Variants in STARD5 observed in about 807,000 individuals in gnomAD.
The protein encoded by STARD5 is stAR-related lipid transfer protein 5.
A neutral mutation model predicts 24.6 loss-of-function variants in STARD5; 26 were observed. The ratio of observed to expected loss-of-function variants is 1.06; its 90% CI spans 0.77 to 1.47. The LOEUF is 1.47. Ranked by LOEUF, STARD5 falls within the 40% of genes most tolerant of loss-of-function variation. STARD5 has a pLI of 0.00. For synonymous variants in STARD5, 101 were observed against 99.7 expected (o/e 1.01, Z -0.07); for missense variants, 254 against 270.8 (o/e 0.94, Z 0.44).
Position 81,310,736 on chromosome 15 carries a change from A to C in STARD5, c.*2520T>G, listed in dbSNP as rs760767134. ...TGTTTTAAGTCTTATCAAGCAGCCA[A>C]GGGATGAAAGAGAAGGTGGGTTTTC... On this transcript the variant is annotated 3_prime_UTR_variant, in exon 6 of 6. Coordinates refer to ENST00000302824, the MANE Select transcript of STARD5 (RefSeq NM_181900.3). 1.3e-5 allele frequency: 2 copies of C among 152,190 alleles called. No homozygotes were observed. The highest frequency in any genetic ancestry group is 2.9e-5 in the Non-Finnish European group (2 of 68,070). 9.4% of individuals were successfully genotyped at this position (152,190 alleles called of 1,614,324 possible).
intron 5 of STARD5, chr15:81,314,129 T>A (rs1901014552): frequency 6.6e-6 from 1 of 152,162 alleles, no homozygotes; most frequent in African/African-American, 2.4e-5. Flanking sequence ...TTCAAATACA[T>A]CAAATAATGA....
At chr15:81,319,856 C>G (rs1421213462) in intron 3 of STARD5, among the ~76,000 whole-genome samples, 7 of 152,194 alleles carry the variant, frequency 4.6e-5, no homozygotes, top group African/African-American at 1.4e-4. Context: ...CTAAGGAACT[C>G]AGCACGAAGC....
rs554879006 is a variant in STARD5 at position 81,318,032 on chromosome 15, C to A, written c.494+377G>T. ...CCTGGCGGAGGGTATTCAGGGAGGA[C>A]TCGGAGCACAGACCCTGCCCTGCCA... On this transcript the variant is annotated intron_variant, in intron 5 of 5. Coordinates refer to ENST00000302824, the MANE Select transcript of STARD5 (RefSeq NM_181900.3). Among the ~76,000 whole-genome samples, 8 of 152,260 alleles carry A rather than the reference C, an allele frequency of 5.3e-5. 1 individual carries two copies. The South Asian group carries it at 1.7e-3, about 32-fold the overall frequency.
At chr15:81,316,762 A>T (rs989985089) in intron 5 of STARD5, among the ~76,000 whole-genome samples, 1 of 152,208 alleles carries the variant, frequency 6.6e-6, no homozygotes, top group African/African-American at 2.4e-5. Context: ...GAATAACTGC[A>T]CACAGCAGGC....
At chr15:81,318,068 CTT>C (rs1901118998) in intron 5 of STARD5, among the ~76,000 whole-genome samples, 1 of 152,144 alleles carries the variant, frequency 6.6e-6, no homozygotes, top group Non-Finnish European at 1.5e-5. Context: ...ACCTCCTAGC[CTT>C]TGAGTCAGGA....
Position 81,323,656 on chromosome 15 carries a change from A to G in STARD5, c.99+345T>C, listed in dbSNP as rs1893334146. On this transcript the variant is annotated intron_variant, in intron 1 of 5. Coordinates refer to ENST00000302824, the MANE Select transcript of STARD5 (RefSeq NM_181900.3). ...TCCTTAGCTGCGACCACATTCTTTC[A>G]TTTTGTTTTGTTTTTAAACACCTGC... The G allele has an allele frequency of 1.4e-5, 17 of 1,229,196 alleles. No homozygotes were observed. In the South Asian group the frequency reaches 1.9e-4, roughly 14 times the overall value. The allele number at this position is 1,229,196 out of a possible 1,614,324, so 76.1% of individuals were successfully genotyped here.
rs773325417 is a variant in STARD5, at chr15:81,322,518, A to T, written c.172T>A (p.Tyr58Asn). ...GNLYRGEGIV[Y>N]GTLEEVWDCV... ...TCCCACACCTCCTCTAGTGTCCCATATACAATGCCTTCTCCTCGGTACCTG... is the reference window on the plus strand; with the variant it reads ...TCCCACACCTCCTCTAGTGTCCCATTTACAATGCCTTCTCCTCGGTACCTG... Residue 58 changes from tyrosine (Y) to asparagine (N), a missense_variant, in exon 3 of 6, where the codon TAT (tyrosine) becomes AAT (asparagine). Physicochemically the swap from Tyr to Asn is moderately radical, Grantham distance 143. Coordinates refer to ENST00000302824, the MANE Select transcript of STARD5 (RefSeq NM_181900.3). 1.9e-6 allele frequency: 3 copies of T among 1,614,054 alleles called. No homozygotes were observed. The highest frequency in any genetic ancestry group is 2.5e-6 in the Non-Finnish European group (3 of 1,180,026).
chr15:81,323,555 T>C, intron 1 of STARD5: 2 of 1,176,548 alleles, frequency 1.7e-6, no homozygotes, highest in South Asian at 2.4e-5. Context: ...CATGCTGTAA[T>C]GAACACAGAA....
At chr15:81,316,642 G>A (rs1901088309) in intron 5 of STARD5, among the ~76,000 whole-genome samples, 1 of 152,244 alleles carries the variant, frequency 6.6e-6, no homozygotes, top group African/African-American at 2.4e-5. Flanking sequence ...GTTTGCTGCT[G>A]CTGCTGCTGT....
chr15:81,317,793 G>A (rs1901113315), intron 5 of STARD5, among the ~76,000 whole-genome samples: 1 of 152,116 alleles, frequency 6.6e-6, no homozygotes. Flanking sequence ...GGGACCTTCA[G>A]GTAATTCATT....
rs74028609 is a variant in STARD5, at chr15:81,320,521, A to G, written c.283-1065T>C. On this transcript the variant is annotated intron_variant, in intron 3 of 5. Coordinates refer to ENST00000302824, the MANE Select transcript of STARD5 (RefSeq NM_181900.3). Reference sequence around the variant, plus strand: ...AGCATATGCCCATTCATCTAGAATCATCCTATCATGAATTGTCCCAGTGTG... The same window carrying G: ...AGCATATGCCCATTCATCTAGAATCGTCCTATCATGAATTGTCCCAGTGTG... Among the ~76,000 whole-genome samples, 473 of 152,300 alleles carry G rather than the reference A, an allele frequency of 3.1e-3. 2 individuals carry two copies. Among genetic ancestry groups the G allele is most frequent in the African/African-American group, 0.011 (449 of 41,556 alleles).
rs375823762 is a variant in STARD5 at position 81,324,106 on chromosome 15, G to C, written c.-7C>G. ...CTGCCAGCGCCGGGTCCATTGCGTCGGGAGCTGCGCTTAGCTGCGGGGTCG... is the reference window on the plus strand; with the variant it reads ...CTGCCAGCGCCGGGTCCATTGCGTCCGGAGCTGCGCTTAGCTGCGGGGTCG... On this transcript the variant is annotated 5_prime_UTR_variant, in exon 1 of 6. Transcript: ENST00000302824. The C allele has an allele frequency of 2.6e-3, 3,799 of 1,439,800 alleles. 6 individuals carry two copies. The highest frequency in any genetic ancestry group is 3.3e-3 in the Non-Finnish European group (3,577 of 1,084,116). 89.2% of individuals were successfully genotyped at this position (1,439,800 alleles called of 1,614,324 possible).
Position 81,313,368 on chromosome 15 carries a change from T to G in STARD5, c.530A>C (p.His177Pro). ...PTKTNLVTFF[H>P]TDLSGYLPQN... ...TGGGAGGTAACCGCTGAGGTCGGTA[T>G]GGAAGAATGTGACCAGGTTGGTCTT... The change falls in exon 6 of 6, where the codon CAT (histidine) becomes CCT (proline). Residue 177 changes from histidine (H) to proline (P), a missense_variant. Physicochemically the swap from His to Pro is moderately conservative, Grantham distance 77. Transcript: ENST00000302824. 3 of 1,575,872 alleles carry G rather than the reference T, an allele frequency of 1.9e-6. No homozygotes were observed. The highest frequency in any genetic ancestry group is 2.6e-6 in the Non-Finnish European group (3 of 1,160,564).
intron 5 of STARD5, among the ~76,000 whole-genome samples, chr15:81,314,333 G>C (rs533113818): frequency 1.3e-5 from 2 of 152,220 alleles, no homozygotes; most frequent in Admixed American, 6.5e-5. Flanking sequence ...CTGACTGGAA[G>C]TCCAGAATCA....
intron 4 of STARD5, 62 bp from the exon 5 acceptor site, chr15:81,318,564 G>C (rs1321925452): frequency 2.1e-6 from 3 of 1,459,312 alleles, no homozygotes; most frequent in Admixed American, 1.7e-5. Flanking sequence ...ACTGCCATTG[G>C]GGTGCCATAG....
In STARD5 at chr15:81,312,179, T is replaced by A. The variant is rs1232936092; in HGVS notation, c.*1077A>T. The A allele has an allele frequency of 6.6e-6, 1 of 152,190 alleles. No individual in the cohort carries two copies. The highest frequency in any genetic ancestry group is 6.5e-5 in the Admixed American group (1 of 15,270). The allele number at this position is 152,190 out of a possible 1,614,324, so 9.4% of individuals were successfully genotyped here. On this transcript the variant is annotated 3_prime_UTR_variant, in exon 6 of 6. Transcript: ENST00000302824. ...AATGTTAGAGGATCCCTCTCTGGAT[T>A]GGAGATAGGGAAAGAAAGTTGCACG...
chr15:81,319,094 GAAA>G (rs1167364151), intron 4 of STARD5, among the ~76,000 whole-genome samples: 1 of 141,028 alleles, frequency 7.1e-6, no homozygotes, highest in Non-Finnish European at 1.5e-5. Flanking sequence ...GCTTCCGCAG[GAAA>G]AAAAAAAAAG....
At chr15:81,323,837 T>TA in intron 1 of STARD5, 164 bp downstream of exon 1, 1 of 748,204 alleles carries the variant, frequency 1.3e-6, no homozygotes. Flanking sequence ...AGGCCCAATC[T>TA]TTTTTTTAAA....
chr15:81,314,651 C>T (rs1478150680), intron 5 of STARD5, among the ~76,000 whole-genome samples: 1 of 151,938 alleles, frequency 6.6e-6, no homozygotes, highest in African/African-American at 2.4e-5. Context: ...TTTGGGAGGT[C>T]GAGGCAGGTG....
Sources: allele counts gnomAD v4.1 joint callset (sites outside exome capture counted in the v4.1 genomes callset), GRCh38; gene constraint gnomAD v4.1.1; transcripts MANE v1.5; gene names NCBI Gene and HGNC (gene_info 2026-07-23, HGNC 2026-07-21).